Variants in NEK7 observed in about 807,000 individuals in gnomAD.
NEK7 encodes the protein serine/threonine-protein kinase Nek7.
In NEK7, 18 loss-of-function variants were observed where a neutral mutation model predicts 44.6. The ratio of observed to expected loss-of-function variants is 0.40; its 90% CI spans 0.28 to 0.60. The LOEUF (loss-of-function observed/expected upper bound fraction) is 0.60. NEK7 is among the 20% of genes least tolerant of loss of function. The probability of loss-of-function intolerance (pLI) is 0.38; values close to 1 mark genes in which losing one functional copy is unlikely to be tolerated. For synonymous variants in NEK7, 130 were observed against 121.1 expected, an observed-to-expected ratio of 1.07 and a Z score of -0.48; for missense variants, 256 against 366.5, an observed-to-expected ratio of 0.70 and a Z score of 2.46.
At chr1:198,290,562 G>A (rs1244829541) in intron 7 of NEK7, among the ~76,000 whole-genome samples, 1 of 152,064 alleles carries the variant, frequency 6.6e-6, no homozygotes, top group Non-Finnish European at 1.5e-5. Context: ...CCAGAACGGA[G>A]GGGCATATGA....
At chr1:198,217,866 C>T (rs1166511580) in intron 1 of NEK7, among the ~76,000 whole-genome samples, 2 of 146,522 alleles carry the variant, frequency 1.4e-5, no homozygotes, top group Non-Finnish European at 3.0e-5. Context: ...AGCCCCAAGC[C>T]TAGGAATATA....
At chr1:198,231,788 G>A (rs1666404719) in intron 1 of NEK7, among the ~76,000 whole-genome samples, 1 of 152,012 alleles carries the variant, frequency 6.6e-6, no homozygotes, top group African/African-American at 2.4e-5. Context: ...GTATGATGAA[G>A]TGAAGATGTG....
At chr1:198,298,214 A>G (rs1654768771) in intron 9 of NEK7, among the ~76,000 whole-genome samples, 1 of 152,210 alleles carries the variant, frequency 6.6e-6, no homozygotes, top group African/African-American at 2.4e-5. Context: ...AATATAAAAC[A>G]ATTATAATGT....
chr1:198,232,062 G>A (rs750553875), intron 1 of NEK7, among the ~76,000 whole-genome samples: 5 of 152,100 alleles, frequency 3.3e-5, no homozygotes, highest in Non-Finnish European at 5.9e-5. Context: ...TACAAAGTAT[G>A]CGTAAAAGAG....
chr1:198,281,195 A>T (rs1042541547), intron 7 of NEK7, among the ~76,000 whole-genome samples: 1 of 152,054 alleles, frequency 6.6e-6, no homozygotes, highest in Non-Finnish European at 1.5e-5. Context: ...AGAAATCCTG[A>T]CAGACATTCT....
At chr1:198,157,764 A>T (rs541999159) in intron 1 of NEK7, among the ~76,000 whole-genome samples, 1 of 152,168 alleles carries the variant, frequency 6.6e-6, no homozygotes, top group Admixed American at 6.5e-5. Context: ...GAGCCGGCAG[A>T]TAGGGGAGAA....
rs144754601 is a variant in NEK7 at position 198,205,794 on chromosome 1, G to A, written c.-28-26759G>A. Among the ~76,000 whole-genome samples the A allele has an allele frequency of 1.9e-3, 287 of 151,980 alleles. 1 individual carries two copies. Among genetic ancestry groups the A allele is most frequent in the East Asian group, 4.1e-3 (21 of 5,176 alleles). ...GTTCACAAAACTACAGAGTAAGAGCGAATAAAAAGATAAGTAAAAAGGCAG... is the reference window on the plus strand; with the variant it reads ...GTTCACAAAACTACAGAGTAAGAGCAAATAAAAAGATAAGTAAAAAGGCAG... On this transcript the variant is annotated intron_variant, in intron 1 of 9. Coordinates refer to ENST00000367385, the MANE Select transcript of NEK7 (RefSeq NM_133494.3).
chr1:198,314,962 C>T (rs1354168742), intron 9 of NEK7, among the ~76,000 whole-genome samples: 1 of 152,236 alleles, frequency 6.6e-6, no homozygotes, highest in Non-Finnish European at 1.5e-5. Context: ...GAGCTCCACC[C>T]AGTTGGTGCT....
intron 1 of NEK7, among the ~76,000 whole-genome samples, chr1:198,205,537 G>A (rs1427976478): frequency 6.6e-6 from 1 of 152,162 alleles, no homozygotes; most frequent in East Asian, 1.9e-4. Context: ...CTTGTTCATA[G>A]TATGCACTCA....
At chr1:198,222,653 C>G (rs555633829) in intron 1 of NEK7, among the ~76,000 whole-genome samples, 59 of 152,278 alleles carry the variant, frequency 3.9e-4, no homozygotes, top group Middle Eastern at 3.4e-3. Context: ...CATCGATCCT[C>G]TATTCTCCAT....
At chr1:198,224,435 CTCCATGATGTTCATACAATGACAA>C (rs1260302227) in intron 1 of NEK7, among the ~76,000 whole-genome samples, 1 of 152,146 alleles carries the variant, frequency 6.6e-6, no homozygotes, top group Non-Finnish European at 1.5e-5. Flanking sequence ...TGGAAGTACA[CTCCATGATGTTCATACAATGACAA>C]AATCAACTAA....
rs753050606 is a variant in NEK7, at chr1:198,200,590, GC to G, written c.-28-31960del. On this transcript the variant is annotated intron_variant, in intron 1 of 9. Coordinates refer to ENST00000367385, the MANE Select transcript of NEK7 (RefSeq NM_133494.3). ...TTTGGAGATGGGGTCTTGCTCTGTT[GC>G]CCAGGCTGGAGTGCAGTGGCATGAT... Among the ~76,000 whole-genome samples the G allele has an allele frequency of 3.0e-5, 4 of 135,572 alleles. No individual in the cohort carries two copies. The South Asian group carries it at 7.0e-4, about 24-fold the overall frequency. 88.9% of individuals were successfully genotyped at this position (135,572 alleles called of 152,430 possible).
intron 3 of NEK7, among the ~76,000 whole-genome samples, chr1:198,262,039 A>G (rs998658121): frequency 1.3e-5 from 2 of 151,916 alleles, no homozygotes; most frequent in African/African-American, 2.4e-5. Flanking sequence ...GAATGCATGC[A>G]TCAGACCTTT....
intron 2 of NEK7, among the ~76,000 whole-genome samples, chr1:198,233,510 G>A (rs1415044876): frequency 6.6e-6 from 1 of 152,088 alleles, no homozygotes; most frequent in Non-Finnish European, 1.5e-5. Context: ...TGTATACTCT[G>A]CTAACCTTGT....
intron 1 of NEK7, among the ~76,000 whole-genome samples, chr1:198,171,307 A>C (rs1442968552): frequency 6.6e-6 from 1 of 152,110 alleles, no homozygotes; most frequent in East Asian, 1.9e-4. Context: ...TTCTCTAGCC[A>C]GTTCTAACTA....
chr1:198,220,585 T>C (rs979292059), intron 1 of NEK7, among the ~76,000 whole-genome samples: 2 of 152,078 alleles, frequency 1.3e-5, no homozygotes, highest in East Asian at 1.9e-4. Flanking sequence ...TTGTCTGATA[T>C]CGACATGTCA....
At position 198,305,927 on chromosome 1, in the gene NEK7, A is replaced by AG. The variant is rs200694040; in HGVS notation, c.798+8689dup. The stretch of plus-strand genomic sequence containing the variant: ...GGAAGGTCACCCCACCTTTGTGCAG[A>AG]GGTGGCCGTGAGGGACCCTGCAGAT... On this transcript the variant is annotated intron_variant, in intron 9 of 9. Transcript: ENST00000367385. Among the ~76,000 whole-genome samples, 238 of 152,284 alleles carry AG rather than the reference A, an allele frequency of 1.6e-3. 4 individuals carry two copies. The highest frequency in any genetic ancestry group is 0.012 in the East Asian group (62 of 5,180).
intron 4 of NEK7, among the ~76,000 whole-genome samples, 199 bp from the exon 5 acceptor site, chr1:198,263,926 G>A (rs1653562948): frequency 6.6e-6 from 1 of 151,770 alleles, no homozygotes; most frequent in Admixed American, 6.6e-5. Flanking sequence ...AGAATATTAA[G>A]ATAAATTAAT....
intron 3 of NEK7, among the ~76,000 whole-genome samples, chr1:198,253,979 T>C (rs1653165877): frequency 6.6e-6 from 1 of 152,186 alleles, no homozygotes; most frequent in South Asian, 2.1e-4. Context: ...TTTTCAATTA[T>C]GGTAATAGTT....
Sources: gnomAD v4.1 joint callset for allele counts (sites outside exome capture counted in the v4.1 genomes callset) on GRCh38, gnomAD v4.1.1 for gene constraint, MANE v1.5 for transcripts, NCBI Gene and HGNC (gene_info 2026-07-23, HGNC 2026-07-21) for gene names.